The following THSD7B variants were observed in gnomAD, a reference collection of about 807,000 sequenced individuals.
THSD7B encodes the protein thrombospondin type-1 domain-containing protein 7B.
In THSD7B, 138 loss-of-function variants were observed where a neutral mutation model predicts 213.6. That is an observed-to-expected ratio of 0.65 (90% CI 0.56 to 0.74). The LOEUF is 0.74. THSD7B is among the 30% of genes least tolerant of loss of function. THSD7B has a pLI of 0.00. For synonymous variants in THSD7B, 742 were observed against 687.0 expected, an observed-to-expected ratio of 1.08 and a Z score of -1.25; for missense variants, 1,931 against 1,991.5, an observed-to-expected ratio of 0.97 and a Z score of 0.58.
At chr2:136,807,426 A>G (rs1251029055) in intron 1 of THSD7B, among the ~76,000 whole-genome samples, 2 of 149,468 alleles carry the variant, frequency 1.3e-5, no homozygotes, top group East Asian at 4.0e-4. Flanking sequence ...GTGTTCTTTG[A>G]GTTGGCTTCT....
chr2:137,242,208 A>T (rs1681924326), intron 9 of THSD7B, among the ~76,000 whole-genome samples: 1 of 151,992 alleles, frequency 6.6e-6, no homozygotes, highest in African/African-American at 2.4e-5. Flanking sequence ...TTGGTTTCAG[A>T]GGTTATTTTT....
At chr2:137,666,791 C>CAT (rs1403908304) in intron 26 of THSD7B, among the ~76,000 whole-genome samples, 4 of 151,786 alleles carry the variant, frequency 2.6e-5, no homozygotes, top group Admixed American at 6.6e-5. Context: ...GTAGAAAAAG[C>CAT]ATATATATAT....
chr2:136,930,379 C>T (rs1380161756), intron 2 of THSD7B, among the ~76,000 whole-genome samples: 1 of 152,054 alleles, frequency 6.6e-6, no homozygotes, highest in Non-Finnish European at 1.5e-5. Flanking sequence ...TGTTAAGTAT[C>T]CCAGAAGAAT....
At chr2:136,863,350 T>C (rs1385911172) in intron 1 of THSD7B, among the ~76,000 whole-genome samples, 8 of 152,200 alleles carry the variant, frequency 5.3e-5, no homozygotes, top group African/African-American at 1.9e-4. Flanking sequence ...TGAAATACAG[T>C]GCTGGAGGAG....
chr2:136,875,968 A>G (rs1267592825), intron 1 of THSD7B, among the ~76,000 whole-genome samples: 1 of 152,146 alleles, frequency 6.6e-6, no homozygotes, highest in African/African-American at 2.4e-5. Flanking sequence ...ACCTACAGCC[A>G]TTTGGAGTAG....
intron 9 of THSD7B, among the ~76,000 whole-genome samples, chr2:137,239,829 T>C (rs1573906153): frequency 6.6e-6 from 1 of 152,218 alleles, no homozygotes; most frequent in East Asian, 1.9e-4. Flanking sequence ...GGTTTATTTC[T>C]GACAGTTTTG....
chr2:137,178,338 C>T (rs912029747), intron 7 of THSD7B, among the ~76,000 whole-genome samples: 1 of 152,194 alleles, frequency 6.6e-6, no homozygotes, highest in Non-Finnish European at 1.5e-5. Flanking sequence ...TTTCAGCAGG[C>T]TGTCTTTTGC....
intron 15 of THSD7B, among the ~76,000 whole-genome samples, chr2:137,493,141 A>AC (rs1349260265): frequency 6.6e-6 from 1 of 150,392 alleles, no homozygotes; most frequent in Non-Finnish European, 1.5e-5. Context: ...AAAAAAAAAA[A>AC]AAAAAAACAG....
chr2:136,994,902 G>A (rs1261115342), intron 2 of THSD7B, among the ~76,000 whole-genome samples: 2 of 152,162 alleles, frequency 1.3e-5, no homozygotes, highest in African/African-American at 4.8e-5. Context: ...GCATTGCTGT[G>A]TGGTAATCCT....
At chr2:137,648,838 C>A (rs1300844730) in intron 21 of THSD7B, among the ~76,000 whole-genome samples, 1 of 151,978 alleles carries the variant, frequency 6.6e-6, no homozygotes, top group Non-Finnish European at 1.5e-5. Flanking sequence ...TTTGAGGAAC[C>A]TCCACACAGT....
intron 1 of THSD7B, among the ~76,000 whole-genome samples, chr2:136,870,604 G>A (rs560262962): frequency 2.6e-5 from 4 of 152,274 alleles, no homozygotes; most frequent in African/African-American, 7.2e-5. Flanking sequence ...CTGAAGAGAC[G>A]GGGGTCTGGG....
At chr2:137,039,926 C>T (rs1686849892) in intron 2 of THSD7B, among the ~76,000 whole-genome samples, 1 of 152,174 alleles carries the variant, frequency 6.6e-6, no homozygotes, top group African/African-American at 2.4e-5. Flanking sequence ...TGTCCACATG[C>T]TGTGCCCAGC....
intron 15 of THSD7B, among the ~76,000 whole-genome samples, chr2:137,528,166 T>A: frequency 6.6e-6 from 1 of 152,144 alleles, no homozygotes; most frequent in East Asian, 1.9e-4. Context: ...CCAAAATTGA[T>A]GTTTGTTGTA....
chr2:137,165,891 C>A (rs1449459883), intron 6 of THSD7B, among the ~76,000 whole-genome samples: 2 of 151,940 alleles, frequency 1.3e-5, no homozygotes, highest in African/African-American at 2.4e-5. Flanking sequence ...TATCATTTTT[C>A]TCCTCTCTAG....
chr2:136,766,574 A>G (rs1383942238), intron 1 of THSD7B, among the ~76,000 whole-genome samples: 1 of 152,100 alleles, frequency 6.6e-6, no homozygotes, highest in African/African-American at 2.4e-5. Flanking sequence ...GGGACGAGGG[A>G]ATGTTGAGGA....
At chr2:137,260,530 A>C (rs1682417524) in intron 10 of THSD7B, among the ~76,000 whole-genome samples, 1 of 152,182 alleles carries the variant, frequency 6.6e-6, no homozygotes. Flanking sequence ...TGGGAGGTCA[A>C]GGCGGGAGGA....
At chr2:137,555,104 T>A (rs960363294) in intron 15 of THSD7B, among the ~76,000 whole-genome samples, 8 of 152,294 alleles carry the variant, frequency 5.3e-5, no homozygotes, top group Non-Finnish European at 8.8e-5. Context: ...CTCTGTAGAC[T>A]CCACCTCTAG....
intron 20 of THSD7B, among the ~76,000 whole-genome samples, chr2:137,640,432 A>G (rs1045215045): frequency 6.6e-6 from 1 of 152,158 alleles, no homozygotes; most frequent in Admixed American, 6.5e-5. Flanking sequence ...TACAACCACC[A>G]TCTAAAATTC....
chr2:137,053,166 A>G (rs1687098909), intron 2 of THSD7B, among the ~76,000 whole-genome samples: 1 of 152,128 alleles, frequency 6.6e-6, no homozygotes, highest in Non-Finnish European at 1.5e-5. Context: ...TCATACCCAA[A>G]TGAATATTAA....
Sources: allele counts gnomAD v4.1 joint callset (sites outside exome capture counted in the v4.1 genomes callset), GRCh38; gene constraint gnomAD v4.1.1; transcripts MANE v1.5; gene names NCBI Gene and HGNC (gene_info 2026-07-23, HGNC 2026-07-21).